Variants in DHX16 observed in about 807,000 individuals in gnomAD.
The protein encoded by DHX16 is DEAH-box helicase 16, also known as pre-mRNA-splicing factor ATP-dependent RNA helicase DHX16.
In DHX16, 81 loss-of-function variants were observed where a neutral mutation model predicts 131.2. The ratio of observed to expected loss-of-function variants is 0.62; its 90% CI spans 0.52 to 0.74. The LOEUF is 0.74. Among genes scored for constraint, DHX16 ranks in the 30% least tolerant of loss-of-function variants. The probability of loss-of-function intolerance (pLI) is 0.00; values close to 1 mark genes in which losing one functional copy is unlikely to be tolerated. For synonymous variants in DHX16, 440 were observed against 520.2 expected, an observed-to-expected ratio of 0.85 and a Z score of 2.10; for missense variants, 980 against 1,363.1, an observed-to-expected ratio of 0.72 and a Z score of 4.43.
rs745580063 is a variant in DHX16 at position 30,671,126 on chromosome 6, T to C, written c.356A>G (p.Gln119Arg). Reference sequence around the variant, plus strand: ...GTGTTTCCGCTTTTTACGTTTCTTCTGGAGGCTGCTTCCAGCCCTACTCAC... The same window carrying C: ...GTGTTTCCGCTTTTTACGTTTCTTCCGGAGGCTGCTTCCAGCCCTACTCAC... Reference protein sequence around the residue: ...ETVSRAGSSLQKKRKKRKHLR... With the variant: ...ETVSRAGSSLRKKRKKRKHLR... Residue 119 changes from glutamine to arginine, a missense_variant, in exon 2 of 20, where the codon CAG becomes CGG. By Grantham distance (43) the Gln-to-Arg change is conservative (BLOSUM62 1). Coordinates refer to ENST00000376442, the MANE Select transcript of DHX16 (RefSeq NM_003587.5). 2.2e-5 allele frequency: 36 copies of C among 1,613,036 alleles called. No individual in the cohort carries two copies. Among genetic ancestry groups the C allele is most frequent in the Non-Finnish European group, 2.9e-5 (34 of 1,180,062 alleles).
chr6:30,656,664 C>T lies in DHX16; in HGVS notation c.2244G>A (p.Glu748=). 6.2e-7 allele frequency: 1 copy of T among 1,614,096 alleles called. No individual in the cohort carries two copies. The highest frequency in any genetic ancestry group is 1.1e-5 in the South Asian group (1 of 91,080). The change falls in exon 14 of 20, where the codon GAG becomes GAA. Residue 748 remains glutamate (E), a synonymous_variant. Transcript: ENST00000376442. The surrounding 1 kb of genome is among the most constrained non-coding windows in gnomAD (Gnocchi z 5.1). ...YTAWAYQHEL[E]ETTVPEIQRT... ...TCTGGATCTCAGGCACTGTGGTTTC[C>T]TCAAGCTCGTGCTGATAGGCCCAGG...
rs1395662507 is a variant in DHX16, at chr6:30,670,762, A to C, written c.609+28T>G. 2 of 1,611,548 alleles carry C rather than the reference A, an allele frequency of 1.2e-6. No individual in the cohort carries two copies. Among genetic ancestry groups the C allele is most frequent in the South Asian group, 2.2e-5 (2 of 91,074 alleles). On this transcript the variant is annotated intron_variant, in intron 3 of 19. Coordinates refer to ENST00000376442, the MANE Select transcript of DHX16 (RefSeq NM_003587.5). The surrounding 1 kb of genome is among the most constrained non-coding windows in gnomAD (Gnocchi z 4.4). ...CAGATTTCACCCTGGGATCTTGGGGATTTACAGAACATGCTGCTCCTATTC... is the reference window on the plus strand; with the variant it reads ...CAGATTTCACCCTGGGATCTTGGGGCTTTACAGAACATGCTGCTCCTATTC...
chr6:30,660,581 G>A (rs1334208036), intron 9 of DHX16: 1 of 264,728 alleles, frequency 3.8e-6, no homozygotes, highest in Non-Finnish European at 7.1e-6. Flanking sequence ...AGAAAAAGTT[G>A]AAGGATATGT....
intron 1 of DHX16, among the ~76,000 whole-genome samples, chr6:30,671,879 C>T (rs1224066102): frequency 3.3e-5 from 5 of 151,216 alleles, no homozygotes; most frequent in Admixed American, 6.6e-5. Context: ...ACGAAGGTTT[C>T]GCCATGTTGC....
chr6:30,670,691 C>A lies in DHX16; in HGVS notation c.609+99G>T. On this transcript the variant is annotated intron_variant, in intron 3 of 19. Transcript: ENST00000376442. The surrounding 1 kb of genome is among the most constrained non-coding windows in gnomAD (Gnocchi z 4.4). ...AGGTGAACATCTCACTAGAGACAGC[C>A]CCTTGTCTTCCCAGAGATCACTATC... 1 of 1,512,256 alleles carries A rather than the reference C, an allele frequency of 6.6e-7. No individual in the cohort carries two copies. Among genetic ancestry groups the A allele is most frequent in the East Asian group, 2.3e-5 (1 of 44,242 alleles). 93.7% of individuals were successfully genotyped at this position (1,512,256 alleles called of 1,614,324 possible).
chr6:30,659,959 C>A, intron 10 of DHX16, 73 bp downstream of exon 10: 1 of 1,566,008 alleles, frequency 6.4e-7, no homozygotes, highest in Non-Finnish European at 8.8e-7. Flanking sequence ...ATCTTTCCCT[C>A]CACAGGATAA....
Position 30,669,889 on chromosome 6 carries a change from A to G in DHX16, c.666+521T>C, listed in dbSNP as rs17189246. Among the ~76,000 whole-genome samples the G allele has an allele frequency of 7.8e-3, 1,193 of 152,230 alleles. 18 individuals are homozygous for G. Among genetic ancestry groups the G allele is most frequent in the East Asian group, 0.044 (227 of 5,184 alleles). ...CCTAGTTTCACACCATAAAAAGTCCAGTTTATGAATTACAAGGGCTCTGTC... is the reference window on the plus strand; with the variant it reads ...CCTAGTTTCACACCATAAAAAGTCCGGTTTATGAATTACAAGGGCTCTGTC... On this transcript the variant is annotated intron_variant, in intron 4 of 19. Coordinates refer to ENST00000376442, the MANE Select transcript of DHX16 (RefSeq NM_003587.5).
chr6:30,656,449 A>G lies in DHX16; in HGVS notation c.2372T>C (p.Leu791Pro). ...CAGAGCATACAGCTGCTCCAAAGCCAGCAGCAGTGTCTCATATGGTGGAGG... is the reference window on the plus strand; with the variant it reads ...CAGAGCATACAGCTGCTCCAAAGCCGGCAGCAGTGTCTCATATGGTGGAGG... ...LDPPPYETLL[L>P]ALEQLYALGA... Residue 791 changes from leucine (L) to proline (P), a missense_variant, in exon 15 of 20, where the codon CTG (leucine) becomes CCG (proline). Leu to Pro is a moderately conservative substitution (Grantham distance 98). Coordinates refer to ENST00000376442, the MANE Select transcript of DHX16 (RefSeq NM_003587.5). This position sits in a 1 kb window ranked among gnomAD's most constrained non-coding sequence, Gnocchi z 5.1. The G allele has an allele frequency of 6.2e-7, 1 of 1,614,174 alleles. No individual in the cohort carries two copies. The highest frequency in any genetic ancestry group is 8.5e-7 in the Non-Finnish European group (1 of 1,180,034).
In DHX16 at chr6:30,670,771, A is replaced by G. The variant is rs762922666; in HGVS notation, c.609+19T>C. On this transcript the variant is annotated intron_variant, in intron 3 of 19. Transcript: ENST00000376442. The surrounding 1 kb of genome is among the most constrained non-coding windows in gnomAD (Gnocchi z 4.4). ...CCCTGGGATCTTGGGGATTTACAGA[A>G]CATGCTGCTCCTATTCACCTTCTTG... The G allele has an allele frequency of 1.2e-6, 2 of 1,612,438 alleles. No individual in the cohort carries two copies. Among genetic ancestry groups the G allele is most frequent in the Non-Finnish European group, 1.7e-6 (2 of 1,179,904 alleles).
At chr6:30,671,001 C>T (rs749093233) in intron 2 of DHX16, 35 bp downstream of exon 2, 12 of 1,612,982 alleles carry the variant, frequency 7.4e-6, no homozygotes, top group Non-Finnish European at 1.0e-5. Flanking sequence ...ACACTTCAGC[C>T]TGCCCCATCC....
At chr6:30,664,477 C>CAA (rs10627470) in intron 7 of DHX16, among the ~76,000 whole-genome samples, 5,575 of 75,500 alleles carry the variant, frequency 0.074, 249 homozygotes, top group African/African-American at 0.16. Context: ...ACTCCGTCTC[C>CAA]AAAAAAAAAA....
intron 4 of DHX16, among the ~76,000 whole-genome samples, chr6:30,669,775 C>T (rs1554167011): frequency 7.3e-6 from 1 of 137,190 alleles, no homozygotes; most frequent in Non-Finnish European, 1.6e-5. Flanking sequence ...AAAGGAACTT[C>T]AAGAGTCTCA....
chr6:30,670,442 G>A lies in DHX16; in HGVS notation c.634C>T (p.Leu212Phe), dbSNP rs1769424409. 1 of 1,611,360 alleles carries A rather than the reference G, an allele frequency of 6.2e-7. No individual in the cohort carries two copies. The highest frequency in any genetic ancestry group is 8.5e-7 in the Non-Finnish European group (1 of 1,179,226). ...TTCCGGTCTTCCTCGGCCATCTTGA[G>A]GCGCTTCTGAGCCTCTTCATAAGCC... ...KKAYEEAQKRLKMAEEDRKAM... is the reference protein window; with the variant it reads ...KKAYEEAQKRFKMAEEDRKAM... The change falls in exon 4 of 20, where the codon CTC (leucine) becomes TTC (phenylalanine). Residue 212 changes from leucine to phenylalanine, a missense_variant. This residue lies in a region of DHX16 where 457 missense variants were observed against 554.8 expected (regional missense o/e 0.82). Transcript: ENST00000376442. This position sits in a 1 kb window ranked among gnomAD's most constrained non-coding sequence, Gnocchi z 4.4.
rs1312582641 is a variant in DHX16 at position 30,656,610 on chromosome 6, C to T, written c.2298G>A (p.Leu766=). ...TAGCCCAATCACCTAAGCTCTTGAGCAGCAACACGACATTGCCCAAGCTGG... is the reference window on the plus strand; with the variant it reads ...TAGCCCAATCACCTAAGCTCTTGAGTAGCAACACGACATTGCCCAAGCTGG... ...QRTSLGNVVL[L]LKSLGIHDLM... Residue 766 remains leucine (L), a synonymous_variant, in exon 14 of 20, where the codon CTG becomes CTA. Transcript: ENST00000376442. The surrounding 1 kb of genome is among the most constrained non-coding windows in gnomAD (Gnocchi z 5.1). The T allele has an allele frequency of 3.1e-6, 5 of 1,614,048 alleles. No homozygotes were observed. Among genetic ancestry groups the T allele is most frequent in the Admixed American group, 3.3e-5 (2 of 60,006 alleles).
chr6:30,655,677 G>A (rs973093160), intron 16 of DHX16, 80 bp from the exon 17 acceptor site: 46 of 1,497,384 alleles, frequency 3.1e-5, no homozygotes, highest in Non-Finnish European at 4.0e-5. Flanking sequence ...TGATCACTGT[G>A]TGATGGATGT....
intron 10 of DHX16, 65 bp from the exon 11 acceptor site, chr6:30,659,899 C>T: frequency 6.4e-7 from 1 of 1,564,756 alleles, no homozygotes; most frequent in Non-Finnish European, 8.8e-7. Context: ...TTCCTCTCCT[C>T]CCAATTCAAC....
At position 30,670,460 on chromosome 6, in the gene DHX16, C is replaced by CA. The variant is rs745992101; in HGVS notation, c.615dup (p.Glu206Ter). The CA allele has an allele frequency of 6.2e-7, 1 of 1,611,156 alleles. No individual in the cohort carries two copies. Among genetic ancestry groups the CA allele is most frequent in the Non-Finnish European group, 8.5e-7 (1 of 1,179,004 alleles). On this transcript the variant is annotated frameshift_variant, in exon 4 of 20. Transcript: ENST00000376442. LOFTEE classifies it high-confidence loss of function. The surrounding 1 kb of genome is among the most constrained non-coding windows in gnomAD (Gnocchi z 4.4). The stretch of plus-strand genomic sequence containing the variant: ...ATCTTGAGGCGCTTCTGAGCCTCTT[C>CA]ATAAGCCTAGAAGAAAAAACAAGAA...
At position 30,654,805 on chromosome 6, in the gene DHX16, C is replaced by T; in HGVS notation, c.2898G>A (p.Gln966=). 2.5e-6 allele frequency: 4 copies of T among 1,613,046 alleles called. No individual in the cohort carries two copies. The highest frequency in any genetic ancestry group is 3.4e-6 in the Non-Finnish European group (4 of 1,180,028). Residue 966 remains glutamine (Q), a synonymous_variant, in exon 19 of 20, where the codon CAG becomes CAA. Coordinates refer to ENST00000376442, the MANE Select transcript of DHX16 (RefSeq NM_003587.5). ...RSGYRTVKQQ[Q]TVFIHPNSSL... ...AGGAGTTGGGATGAATGAAGACTGT[C>T]TGCTGCTGTTTCACTGTGCGGTAGC...
Position 30,662,821 on chromosome 6 carries a change from G to T in DHX16, c.1429-79C>A. 1 of 1,549,082 alleles carries T rather than the reference G, an allele frequency of 6.5e-7. No individual in the cohort carries two copies. The highest frequency in any genetic ancestry group is 8.9e-7 in the Non-Finnish European group (1 of 1,124,122). On this transcript the variant is annotated intron_variant, in intron 8 of 19. Transcript: ENST00000376442. The surrounding 1 kb of genome is among the most constrained non-coding windows in gnomAD (Gnocchi z 4.7). ...ACTTGGGGAAAGGTGAAGTGGGGCA[G>T]CACCAAGACTTCTGCTGTAGGGACC... is the stretch of plus-strand genomic sequence containing the variant.
Sources: allele counts gnomAD v4.1 joint callset (sites outside exome capture counted in the v4.1 genomes callset), GRCh38; gene constraint gnomAD v4.1.1; regional missense constraint gnomAD v4.1.1; non-coding constraint Gnocchi (gnomAD v3.1); transcripts MANE v1.5; gene names NCBI Gene and HGNC (gene_info 2026-07-23, HGNC 2026-07-21).